The following MAPK10 variants were observed in gnomAD, a reference collection of about 807,000 sequenced individuals.
The protein encoded by MAPK10 is JNK3 alpha protein kinase.
Under a neutral mutation model 59.3 loss-of-function variants are expected in MAPK10, and 25 were observed. That is an observed-to-expected ratio of 0.42 (90% CI 0.31 to 0.59). MAPK10 has a LOEUF of 0.59. Ranked by LOEUF, MAPK10 falls within the 20% of genes least tolerant of loss-of-function variation. The pLI, the probability that MAPK10 is intolerant of heterozygous loss-of-function variation, is 0.15. For synonymous variants in MAPK10, 190 were observed against 200.5 expected, an observed-to-expected ratio of 0.95 and a Z score of 0.44; for missense variants, 351 against 568.9, an observed-to-expected ratio of 0.62 and a Z score of 3.90.
intron 2 of MAPK10, among the ~76,000 whole-genome samples, chr4:86,299,531 G>C: frequency 6.6e-6 from 1 of 152,156 alleles, no homozygotes; most frequent in East Asian, 1.9e-4. Context: ...GAATTTGCCT[G>C]TACCTTGATT....
At chr4:86,289,058 C>G (rs868360956) in intron 2 of MAPK10, among the ~76,000 whole-genome samples, 1 of 152,118 alleles carries the variant, frequency 6.6e-6, no homozygotes, top group African/African-American at 2.4e-5. Flanking sequence ...AGGGACTATA[C>G]ACTGGTACAG....
intron 1 of MAPK10, among the ~76,000 whole-genome samples, chr4:86,477,601 G>C (rs1215203576): frequency 2.0e-5 from 3 of 149,418 alleles, no homozygotes; most frequent in Non-Finnish European, 4.5e-5. Flanking sequence ...CGCTTTAAAA[G>C]GATTAAAGCC....
rs1049076846 is a variant in MAPK10 at position 86,011,128 on chromosome 4, G to A, written c.*6100C>T. ...ATGTGTCACCACATTTCATGTGTCT[G>A]AGAAATATAAATTTCTACAGCACAT... On this transcript the variant is annotated 3_prime_UTR_variant, in exon 14 of 14. Transcript: ENST00000641462. 6.6e-6 allele frequency: 1 copy of A among 152,226 alleles called. No homozygotes were observed. Among genetic ancestry groups the A allele is most frequent in the Non-Finnish European group, 1.5e-5 (1 of 68,040 alleles). 9.4% of individuals were successfully genotyped at this position (152,226 alleles called of 1,614,324 possible).
At chr4:86,193,558 G>T (rs895464691) in intron 3 of MAPK10, 1 of 152,344 alleles carries the variant, frequency 6.6e-6, no homozygotes, top group African/African-American at 2.4e-5. Context: ...ACTGTGAGGG[G>T]AAAACCGTCT....
intron 11 of MAPK10, among the ~76,000 whole-genome samples, chr4:86,046,256 A>T (rs200329741): frequency 6.6e-6 from 1 of 151,554 alleles, no homozygotes. Flanking sequence ...GCAAACAGGG[A>T]CAATTTGACT....
chr4:86,188,934 G>A (rs889438522), intron 3 of MAPK10, among the ~76,000 whole-genome samples: 1 of 152,140 alleles, frequency 6.6e-6, no homozygotes, highest in Non-Finnish European at 1.5e-5. Context: ...TTTGTATAAG[G>A]TGTAAGGAAA....
At chr4:86,510,957 A>G (rs1475717793) in intron 1 of MAPK10, among the ~76,000 whole-genome samples, 2 of 152,206 alleles carry the variant, frequency 1.3e-5, no homozygotes, top group Non-Finnish European at 2.9e-5. Context: ...AATAAGTTCT[A>G]GTATTCAGTA....
chr4:86,157,572 T>C (rs753754180), intron 4 of MAPK10, among the ~76,000 whole-genome samples: 9 of 151,822 alleles, frequency 5.9e-5, no homozygotes, highest in Non-Finnish European at 1.2e-4. Flanking sequence ...ATAGAAAAGG[T>C]CTGTGGATTT....
chr4:86,518,514 G>T (rs1756873061), intron 1 of MAPK10, among the ~76,000 whole-genome samples: 1 of 151,722 alleles, frequency 6.6e-6, no homozygotes, highest in Admixed American at 6.6e-5. Context: ...TTCTTTTCTT[G>T]GTTAATCTCA....
intron 2 of MAPK10, among the ~76,000 whole-genome samples, chr4:86,199,676 T>G (rs2082175507): frequency 6.6e-6 from 1 of 151,996 alleles, no homozygotes; most frequent in Non-Finnish European, 1.5e-5. Flanking sequence ...GTTACATTAT[T>G]TAAACCCTAT....
upstream of MAPK10, among the ~76,000 whole-genome samples, chr4:86,453,654 C>T (rs1750983775): frequency 6.7e-6 from 1 of 149,370 alleles, no homozygotes; most frequent in South Asian, 2.1e-4. Context: ...AGCCCTGCCC[C>T]CACCTAATGG....
In MAPK10 at chr4:86,012,912, G is replaced by A. The variant is rs1181716597; in HGVS notation, c.*4316C>T. ...CTGACACAAGACAATTCTCATCATTGGTAATAGTCTTTGGAGTCCAATCAT... is the reference window on the plus strand; with the variant it reads ...CTGACACAAGACAATTCTCATCATTAGTAATAGTCTTTGGAGTCCAATCAT... On this transcript the variant is annotated 3_prime_UTR_variant, in exon 14 of 14. Coordinates refer to ENST00000641462, the MANE Select transcript of MAPK10 (RefSeq NM_138982.4). 1 of 152,138 alleles carries A rather than the reference G, an allele frequency of 6.6e-6. No homozygotes were observed. The highest frequency in any genetic ancestry group is 1.5e-5 in the Non-Finnish European group (1 of 68,018). The allele number at this position is 152,138 out of a possible 1,614,324, so 9.4% of individuals were successfully genotyped here.
At chr4:86,479,568 T>A (rs1360123408) in intron 1 of MAPK10, among the ~76,000 whole-genome samples, 1 of 152,032 alleles carries the variant, frequency 6.6e-6, no homozygotes, top group East Asian at 1.9e-4. Flanking sequence ...CTGCTCTTAT[T>A]TACACTGCCG....
chr4:86,484,457 GT>G (rs1673144440), intron 1 of MAPK10, among the ~76,000 whole-genome samples: 2 of 152,132 alleles, frequency 1.3e-5, no homozygotes, highest in African/African-American at 2.4e-5. Context: ...AACAGCAGGT[GT>G]TATGGAGGCC....
chr4:86,304,866 T>G (rs558069154), intron 2 of MAPK10, among the ~76,000 whole-genome samples: 1 of 152,316 alleles, frequency 6.6e-6, no homozygotes, highest in South Asian at 2.1e-4. Flanking sequence ...AGTTACACAC[T>G]TAACTCAGGA....
intron 1 of MAPK10, among the ~76,000 whole-genome samples, chr4:86,555,365 G>A (rs150361683): frequency 0.01 from 1,575 of 152,276 alleles, 20 homozygotes; most frequent in African/African-American, 0.036. Context: ...AGAATTGCTT[G>A]AACCTAGGAG....
At chr4:86,056,843 T>C (rs1370285284) in intron 11 of MAPK10, among the ~76,000 whole-genome samples, 1 of 149,882 alleles carries the variant, frequency 6.7e-6, no homozygotes, top group East Asian at 1.9e-4. Flanking sequence ...TGTATACTTT[T>C]ATGTTTAGTA....
chr4:86,285,569 T>C (rs923608690), intron 2 of MAPK10, among the ~76,000 whole-genome samples: 2 of 152,132 alleles, frequency 1.3e-5, no homozygotes, highest in African/African-American at 2.4e-5. Flanking sequence ...CTCAGATAGA[T>C]TTACCTATCT....
intron 9 of MAPK10, chr4:86,089,472 A>G (rs2052635721): frequency 2.1e-6 from 1 of 477,620 alleles, no homozygotes. Flanking sequence ...CTTTTCTGTC[A>G]TATAACAGAA....
Sources: allele counts gnomAD v4.1 joint callset (sites outside exome capture counted in the v4.1 genomes callset), GRCh38; gene constraint gnomAD v4.1.1; transcripts MANE v1.5; gene names NCBI Gene and HGNC (gene_info 2026-07-23, HGNC 2026-07-21).